Variants in MRPL43 observed in about 807,000 individuals in gnomAD.
The protein encoded by MRPL43 is mitochondrial ribosomal protein L43.
Under a neutral mutation model 12.7 loss-of-function variants are expected in MRPL43, and 9 were observed. The observed-to-expected ratio is 0.71, with a 90% CI of 0.43 to 1.24. The LOEUF (loss-of-function observed/expected upper bound fraction) is 1.24. Ranked by LOEUF, MRPL43 falls within the 50% of genes most tolerant of loss-of-function variation. The pLI is 0.00. For missense variants in MRPL43, 211 were observed against 229.2 expected (o/e 0.92, Z 0.51); for synonymous variants, 116 against 96.4 (o/e 1.20, Z -1.19).
chr10:100,987,254 G>A, intron 1 of MRPL43, 58 bp from the exon 2 acceptor site: 2 of 1,612,390 alleles, frequency 1.2e-6, no homozygotes, highest in Non-Finnish European at 1.7e-6. Context: ...CCTACCCGGG[G>A]AGTCGTTGCC....
chr10:100,985,785 G>A (rs2133918647), downstream of MRPL43: 1 of 152,396 alleles, frequency 6.6e-6, no homozygotes, highest in Non-Finnish European at 1.5e-5. Context: ...CTCCTTGGCA[G>A]GCACACAGGC....
At position 100,986,830 on chromosome 10, in the gene MRPL43, G is replaced by T; in HGVS notation, c.384C>A (p.Gly128=). 2 of 1,613,908 alleles carry T rather than the reference G, an allele frequency of 1.2e-6. No homozygotes were observed. The highest frequency in any genetic ancestry group is 1.7e-6 in the Non-Finnish European group (2 of 1,180,038). Residue 128 remains glycine, a synonymous_variant, in exon 3 of 3, where the codon GGC becomes GGA. Transcript: ENST00000318364. ...GCTTGTTGGTGAAGGGGTGCCACTG[G>T]CCCTGGATGCTAGGGTTGTCGGTGT... ...PFHTDNPSIQ[G]QWHPFTNKPT...
In MRPL43 at chr10:100,986,426, ACT is replaced by A. The variant is rs1436443181; in HGVS notation, c.*306_*307del. On this transcript the variant is annotated 3_prime_UTR_variant, in exon 3 of 3. Transcript: ENST00000318364. Reference sequence around the variant, plus strand: ...TCAGAAGCCAGCCTTCAGACCTCTCACTGTGTTTTGAGATCATTATTATCAAT... The same window carrying A: ...TCAGAAGCCAGCCTTCAGACCTCTCAGTGTTTTGAGATCATTATTATCAAT... 3.5e-5 allele frequency: 53 copies of A among 1,503,622 alleles called. 1 individual carries two copies. The highest frequency in any genetic ancestry group is 1.8e-6 in the Non-Finnish European group (2 of 1,127,962). 93.1% of individuals were successfully genotyped at this position (1,503,622 alleles called of 1,614,324 possible).
chr10:100,983,954 C>T (rs765317734), downstream of MRPL43: 2 of 1,561,190 alleles, frequency 1.3e-6, no homozygotes, highest in Admixed American at 1.8e-5. Flanking sequence ...TGACCAATGG[C>T]TTGGTGGCAC....
chr10:100,979,232 G>C (rs749963260), downstream of MRPL43: 1 of 1,614,034 alleles, frequency 6.2e-7, no homozygotes, highest in South Asian at 1.1e-5. Flanking sequence ...ACCTCAAGCC[G>C]TACACACTTC....
chr10:100,981,662 G>A (rs952612551), downstream of MRPL43: 30 of 1,267,702 alleles, frequency 2.4e-5, no homozygotes, highest in Non-Finnish European at 3.3e-5. Flanking sequence ...GCATTCTTAT[G>A]AGAAAGGTGC....
Position 100,986,356 on chromosome 10 carries a change from C to G in MRPL43, c.*378G>C, listed in dbSNP as rs577367953. On this transcript the variant is annotated 3_prime_UTR_variant, in exon 3 of 3. Coordinates refer to ENST00000318364, the MANE Select transcript of MRPL43 (RefSeq NM_032112.3). ...AAGTGCCTAGCCCATCACAGCAGAG[C>G]TCTCCGTAGCTCAGTGGTTGTTCCA... 87 of 1,447,414 alleles carry G rather than the reference C, an allele frequency of 6.0e-5. No homozygotes were observed. The highest frequency in any genetic ancestry group is 7.5e-5 in the Non-Finnish European group (83 of 1,105,428). The allele number at this position is 1,447,414 out of a possible 1,614,324, so 89.7% of individuals were successfully genotyped here. A position where few individuals can be genotyped will look rare whatever the true frequency, so the allele number is the denominator to read the frequency against.
At chr10:100,983,912 A>G (rs1438563345), downstream of MRPL43, 6 of 185,374 alleles carry the variant, frequency 3.2e-5, no homozygotes, top group Non-Finnish European at 5.0e-5. Flanking sequence ...CAGCCCCACC[A>G]CCCCCACCGC....
chr10:100,984,919 T>C, downstream of MRPL43: 1 of 1,449,170 alleles, frequency 6.9e-7, no homozygotes, highest in Non-Finnish European at 9.1e-7. Flanking sequence ...GCATGTCCCA[T>C]CCCCATGCAC....
In MRPL43 at chr10:100,986,750, T is replaced by C. The variant is rs995062097; in HGVS notation, c.464A>G (p.Gln155Arg). Reference sequence around the variant, plus strand: ...GGCAACTCTTCACTGTGCTTGCACCTGGGCTGGGGCAGGATCCTGAACCTC... The same window carrying C: ...GGCAACTCTTCACTGTGCTTGCACCCGGGCTGGGGCAGGATCCTGAACCTC... ...PREVQDPAPA[Q>R]VQAQ The change falls in exon 3 of 3, where the codon CAG becomes CGG. Residue 155 changes from glutamine to arginine, a missense_variant. By Grantham distance (43) the Gln-to-Arg change is conservative. Transcript: ENST00000318364. 7 of 1,613,630 alleles carry C rather than the reference T, an allele frequency of 4.3e-6. No homozygotes were observed. The East Asian group carries it at 1.6e-4, about 36-fold the overall frequency.
downstream of MRPL43, chr10:100,984,754 C>T: frequency 1.3e-6 from 2 of 1,536,136 alleles, no homozygotes; most frequent in Non-Finnish European, 1.7e-6. Context: ...TCCCCAGCCC[C>T]ATGTGGTGAC....
downstream of MRPL43, chr10:100,980,140 C>A (rs761554973): frequency 1.2e-5 from 20 of 1,614,080 alleles, no homozygotes; most frequent in Non-Finnish European, 1.6e-5. Context: ...AGATTCATTG[C>A]GCAGCCAAGG....
chr10:100,984,635 G>C, downstream of MRPL43: 1 of 1,536,106 alleles, frequency 6.5e-7, no homozygotes, highest in Non-Finnish European at 8.7e-7. Flanking sequence ...AATGTTTATC[G>C]GCTGGGCTGC....
chr10:100,980,947 C>T, downstream of MRPL43: 5 of 1,609,320 alleles, frequency 3.1e-6, no homozygotes, highest in Non-Finnish European at 4.2e-6. Context: ...ACCCTGGCAC[C>T]CATGCCTGCG....
downstream of MRPL43, chr10:100,980,914 C>T: frequency 6.2e-7 from 1 of 1,612,468 alleles, no homozygotes. Flanking sequence ...GCATCTTGGC[C>T]CGAGACCCCT....
chr10:100,983,415 A>G (rs776051888), downstream of MRPL43: 11 of 1,613,102 alleles, frequency 6.8e-6, no homozygotes, highest in Admixed American at 6.7e-5. Context: ...CAATGGGAGC[A>G]TGGGCCTGAG....
rs1313267903 is a variant in MRPL43, at chr10:100,986,942, C to G, written c.272G>C (p.Cys91Ser). 5 of 1,608,558 alleles carry G rather than the reference C, an allele frequency of 3.1e-6. No homozygotes were observed. In the Admixed American group the frequency reaches 8.3e-5, roughly 27 times the overall value. Residue 91 changes from cysteine (C) to serine (S), a missense_variant, in exon 3 of 3, where the codon TGC becomes TCC. By Grantham distance (112) the Cys-to-Ser change is moderately radical. Coordinates refer to ENST00000318364, the MANE Select transcript of MRPL43 (RefSeq NM_032112.3). ...NGAVREESIH[C>S]KSVEEISTLV... ...CGTCGAGATCTCCTCGACCGACTTGCAGTGGATGCTCTCCTCGCGCACAGC... is the reference window on the plus strand; with the variant it reads ...CGTCGAGATCTCCTCGACCGACTTGGAGTGGATGCTCTCCTCGCGCACAGC...
downstream of MRPL43, chr10:100,981,449 G>A (rs749817171): frequency 3.7e-6 from 6 of 1,614,184 alleles, no homozygotes; most frequent in Non-Finnish European, 4.2e-6. Flanking sequence ...GAAGTGTCTT[G>A]TCACTTCTGG....
downstream of MRPL43, chr10:100,979,900 G>A (rs1372385660): frequency 9.3e-6 from 15 of 1,613,996 alleles, no homozygotes; most frequent in Admixed American, 1.7e-5. Flanking sequence ...AGAGATCCAG[G>A]CTGTCTTTGC....
Sources: allele counts gnomAD v4.1 joint callset, GRCh38; gene constraint gnomAD v4.1.1; transcripts MANE v1.5; gene names NCBI Gene and HGNC (gene_info 2026-07-23, HGNC 2026-07-21).